The following POU4F2 variants were observed in gnomAD, a reference collection of about 807,000 sequenced individuals.
The protein encoded by POU4F2 is POU domain, class 4, transcription factor 2.
In POU4F2, 10 loss-of-function variants were observed where a neutral mutation model predicts 21.5. The ratio of observed to expected loss-of-function variants is 0.46; its 90% CI spans 0.29 to 0.79. POU4F2 has a LOEUF of 0.79. POU4F2 is among the 30% of genes least tolerant of loss of function. POU4F2 has a pLI of 0.10. For missense variants in POU4F2, 623 were observed against 603.3 expected (o/e 1.03, Z -0.34); for synonymous variants, 324 against 271.1 (o/e 1.20, Z -1.92).
Position 146,639,926 on chromosome 4 carries a change from C to G in POU4F2, c.348C>G (p.Ala116=). The G allele has an allele frequency of 3.8e-6, 6 of 1,593,780 alleles. No homozygotes were observed. Among genetic ancestry groups the G allele is most frequent in the Non-Finnish European group, 5.1e-6 (6 of 1,169,546 alleles). ...SLLARAEALA[A]VDIVSQSKSH... Reference sequence around the variant, plus strand: ...TGGCCCGCGCCGAGGCTCTGGCAGCCGTGGACATCGTCTCCCAGAGCAAGA... The same window carrying G: ...TGGCCCGCGCCGAGGCTCTGGCAGCGGTGGACATCGTCTCCCAGAGCAAGA... Residue 116 remains alanine, a synonymous_variant, in exon 2 of 2, where the codon GCC becomes GCG. Coordinates refer to ENST00000281321, the MANE Select transcript of POU4F2 (RefSeq NM_004575.3).
In POU4F2 at chr4:146,640,595, C is replaced by G; in HGVS notation, c.1017C>G (p.Leu339=). The change falls in exon 2 of 2, where the codon CTC becomes CTG. Residue 339 remains leucine (L), a synonymous_variant. Transcript: ENST00000281321. This position sits in a 1 kb window ranked among gnomAD's most constrained non-coding sequence, Gnocchi z 4.8. ...GCGAGAAGCTCACCAAGCCTGAACT[C>G]TTCAATGGCGCGGAGAAGAAGCGCA... ...SHREKLTKPE[L]FNGAEKKRKR... is the part of the protein sequence containing the mutation. 1 of 1,614,166 alleles carries G rather than the reference C, an allele frequency of 6.2e-7. No individual in the cohort carries two copies. Among genetic ancestry groups the G allele is most frequent in the Non-Finnish European group, 8.5e-7 (1 of 1,179,988 alleles).
rs1740905417 is a variant in POU4F2, at chr4:146,642,461, A to G, written c.*1653A>G. 1 of 152,204 alleles carries G rather than the reference A, an allele frequency of 6.6e-6. No homozygotes were observed. The highest frequency in any genetic ancestry group is 6.5e-5 in the Admixed American group (1 of 15,282). The allele number at this position is 152,204 out of a possible 1,614,324, so 9.4% of individuals were successfully genotyped here. On this transcript the variant is annotated 3_prime_UTR_variant, in exon 2 of 2. Coordinates refer to ENST00000281321, the MANE Select transcript of POU4F2 (RefSeq NM_004575.3). ...TCATTAAAATATGCTATTAAAATTA[A>G]ATGGCTTTTAAAATGTGATGTTGTT...
In POU4F2 at chr4:146,640,739, C is replaced by G. The variant is rs138240408; in HGVS notation, c.1161C>G (p.Asn387Lys). ...AIAEKLDLKK[N>K]VVRVWFCNQR... is the part of the protein sequence containing the mutation. ...CGGAGAAGCTGGACCTGAAGAAAAA[C>G]GTGGTGCGCGTCTGGTTCTGCAACC... is the stretch of plus-strand genomic sequence containing the variant. Residue 387 changes from asparagine (N) to lysine (K), a missense_variant, in exon 2 of 2, where the codon AAC becomes AAG. By Grantham distance (94) the Asn-to-Lys change is moderately conservative. Around this residue, in one of 3 missense-constraint regions of POU4F2, gnomAD observed 523 missense variants for 504.1 expected, o/e 1.04. Transcript: ENST00000281321. The surrounding 1 kb of genome is among the most constrained non-coding windows in gnomAD (Gnocchi z 4.8). 1 of 1,613,920 alleles carries G rather than the reference C, an allele frequency of 6.2e-7. No individual in the cohort carries two copies. The highest frequency in any genetic ancestry group is 1.7e-5 in the Admixed American group (1 of 59,912).
chr4:146,639,392 G>A lies in POU4F2; in HGVS notation c.252G>A (p.Ser84=). The part of the protein sequence containing the change: ...SSSGSSGGGG[S]EAMRRACLPT... ...GTGGCAGCAGCGGCGGCGGGGGCTC[G>A]GAGGCTATGCGGAGAGCCTGTCTTC... is the stretch of plus-strand genomic sequence containing the variant. Residue 84 remains serine (S), a synonymous_variant, in exon 1 of 2, where the codon TCG becomes TCA. Coordinates refer to ENST00000281321, the MANE Select transcript of POU4F2 (RefSeq NM_004575.3). 1 of 1,470,280 alleles carries A rather than the reference G, an allele frequency of 6.8e-7. No homozygotes were observed. Among genetic ancestry groups the A allele is most frequent in the Non-Finnish European group, 8.9e-7 (1 of 1,119,258 alleles). The allele number at this position is 1,470,280 out of a possible 1,614,324, so 91.1% of individuals were successfully genotyped here. A position where few individuals can be genotyped will look rare whatever the true frequency, so the allele number is the denominator to read the frequency against.
In POU4F2 at chr4:146,640,535, G is replaced by A; in HGVS notation, c.957G>A (p.Leu319=). 3 of 1,614,062 alleles carry A rather than the reference G, an allele frequency of 1.9e-6. No individual in the cohort carries two copies. The highest frequency in any genetic ancestry group is 2.5e-6 in the Non-Finnish European group (3 of 1,179,942). Residue 319 remains leucine, a synonymous_variant, in exon 2 of 2, where the codon CTG becomes CTA. Transcript: ENST00000281321. This position sits in a 1 kb window ranked among gnomAD's most constrained non-coding sequence, Gnocchi z 4.8. Reference sequence around the variant, plus strand: ...ATATGATCGCGCTCAAACCCATCCTGCAGGCATGGCTCGAGGAGGCCGAGA... The same window carrying A: ...ATATGATCGCGCTCAAACCCATCCTACAGGCATGGCTCGAGGAGGCCGAGA... The part of the protein sequence containing the change: ...HNNMIALKPI[L]QAWLEEAEKS...
At chr4:146,639,804 T>TC in intron 1 of POU4F2, 63 bp from the exon 2 acceptor site, 1 of 1,477,152 alleles carries the variant, frequency 6.8e-7, no homozygotes, top group Non-Finnish European at 9.0e-7. Flanking sequence ...GGCCGGGGCT[T>TC]CCGGAGAGAG....
rs1740885396 is a variant in POU4F2, at chr4:146,641,391, TGAAG to T, written c.*584_*587del. 1 of 152,656 alleles carries T rather than the reference TGAAG, an allele frequency of 6.6e-6. No individual in the cohort carries two copies. The allele number at this position is 152,656 out of a possible 1,614,324, so 9.5% of individuals were successfully genotyped here. On this transcript the variant is annotated 3_prime_UTR_variant, in exon 2 of 2. Transcript: ENST00000281321. The stretch of plus-strand genomic sequence containing the variant: ...TGGTTCTTACCCCCTTTTCCTTCTC[TGAAG>T]TGTTAATGCTTAAGAAAAGAGTTGC...
In POU4F2 at chr4:146,639,869, C is replaced by A. The variant is rs1740839033; in HGVS notation, c.291C>A (p.Ser97Arg). The A allele has an allele frequency of 6.5e-7, 1 of 1,539,108 alleles. No individual in the cohort carries two copies. The highest frequency in any genetic ancestry group is 8.8e-7 in the Non-Finnish European group (1 of 1,141,864). ...MRRACLPTPPSNIFGGLDESL... is the reference protein window; with the variant it reads ...MRRACLPTPPRNIFGGLDESL... ...GTGCCTTCTACTTACAATTGCAGAG[C>A]AATATATTCGGCGGGCTGGATGAGA... Residue 97 changes from serine to arginine, a missense_variant and splice_region_variant, in exon 2 of 2, where the codon AGC becomes AGA. Around this residue, in one of 3 missense-constraint regions of POU4F2, gnomAD observed 523 missense variants for 504.1 expected, o/e 1.04. Transcript: ENST00000281321.
Position 146,640,376 on chromosome 4 carries a change from G to A in POU4F2, c.798G>A (p.Lys266=). ...TGGAGGCATTCGCCGAGCGCTTCAA[G>A]CAGCGACGCATCAAGCTGGGGGTGA... is the stretch of plus-strand genomic sequence containing the variant. ...RDLEAFAERF[K]QRRIKLGVTQ... The change falls in exon 2 of 2, where the codon AAG becomes AAA. Residue 266 remains lysine (K), a synonymous_variant. Coordinates refer to ENST00000281321, the MANE Select transcript of POU4F2 (RefSeq NM_004575.3). The surrounding 1 kb of genome is among the most constrained non-coding windows in gnomAD (Gnocchi z 4.8). The A allele has an allele frequency of 6.2e-7, 1 of 1,603,142 alleles. No homozygotes were observed. The highest frequency in any genetic ancestry group is 8.5e-7 in the Non-Finnish European group (1 of 1,176,804).
rs373360428 is a variant in POU4F2 at position 146,640,321 on chromosome 4, T to G, written c.743T>G (p.Met248Arg). ...GGGCTGCCGTCGCACATGGGCTGCA[T>G]GAGCGACGTGGACGCCGACCCGCGG... ...AHGLPSHMGC[M>R]SDVDADPRDL... Residue 248 changes from methionine (M) to arginine (R), a missense_variant, in exon 2 of 2, where the codon ATG (methionine) becomes AGG (arginine). Physicochemically the swap from Met to Arg is moderately conservative, Grantham distance 91 (BLOSUM62 -1). Coordinates refer to ENST00000281321, the MANE Select transcript of POU4F2 (RefSeq NM_004575.3). This position sits in a 1 kb window ranked among gnomAD's most constrained non-coding sequence, Gnocchi z 4.8. 4 of 1,574,970 alleles carry G rather than the reference T, an allele frequency of 2.5e-6. No homozygotes were observed. Among genetic ancestry groups the G allele is most frequent in the African/African-American group, 2.7e-5 (2 of 74,464 alleles).
rs1349808036 is a variant in POU4F2 at position 146,641,290 on chromosome 4, TA to T, written c.*485del. The T allele has an allele frequency of 1.3e-5, 2 of 153,056 alleles. No individual in the cohort carries two copies. The highest frequency in any genetic ancestry group is 2.9e-5 in the Non-Finnish European group (2 of 68,364). 9.5% of individuals were successfully genotyped at this position (153,056 alleles called of 1,614,324 possible). On this transcript the variant is annotated 3_prime_UTR_variant, in exon 2 of 2. Transcript: ENST00000281321. ...ATGCTTAATGTGATAGAGACATCTC[TA>T]AAGTATTTTGAATTTTAAAAAAAGA...
Position 146,642,338 on chromosome 4 carries a change from T to A in POU4F2, c.*1530T>A, listed in dbSNP as rs1740903004. ...CTTGTTTTTATTAATAGATGGTTTA[T>A]TTACTATGGTAATGTATTAATTTAT... On this transcript the variant is annotated 3_prime_UTR_variant, in exon 2 of 2. Transcript: ENST00000281321. 2 of 152,254 alleles carry A rather than the reference T, an allele frequency of 1.3e-5. No homozygotes were observed. 9.4% of individuals were successfully genotyped at this position (152,254 alleles called of 1,614,324 possible). A position where few individuals can be genotyped will look rare whatever the true frequency, so the allele number is the denominator to read the frequency against.
Position 146,642,059 on chromosome 4 carries a change from T to C in POU4F2, c.*1251T>C, listed in dbSNP as rs1740897539. ...GTTAATATTTATAGGAATACTTCAGTTTTTCCTTTTGGAGGTTTGTTTGTA... is the reference window on the plus strand; with the variant it reads ...GTTAATATTTATAGGAATACTTCAGCTTTTCCTTTTGGAGGTTTGTTTGTA... On this transcript the variant is annotated 3_prime_UTR_variant, in exon 2 of 2. Transcript: ENST00000281321. The C allele has an allele frequency of 6.6e-6, 1 of 152,654 alleles. No individual in the cohort carries two copies. The allele number at this position is 152,654 out of a possible 1,614,324, so 9.5% of individuals were successfully genotyped here. A position where few individuals can be genotyped will look rare whatever the true frequency, so the allele number is the denominator to read the frequency against.
At chr4:146,639,665 T>C (rs756008144) in intron 1 of POU4F2, among the ~76,000 whole-genome samples, 3 of 152,056 alleles carry the variant, frequency 2.0e-5, no homozygotes, top group Non-Finnish European at 4.4e-5. Context: ...ACTTTCCTCC[T>C]CCTCCTGCAC....
Position 146,639,842 on chromosome 4 carries a change from G to A in POU4F2, c.289-25G>A, listed in dbSNP as rs766205879. On this transcript the variant is annotated intron_variant, in intron 1 of 1. Transcript: ENST00000281321. ...CGTACAATTCCCTGCTGAGCGTAAT[G>A]TGTGCCTTCTACTTACAATTGCAGA... 17 of 1,517,426 alleles carry A rather than the reference G, an allele frequency of 1.1e-5. 1 individual carries two copies. In the Middle Eastern group the frequency reaches 2.3e-3, roughly 206 times the overall value. The allele number at this position is 1,517,426 out of a possible 1,614,324, so 94.0% of individuals were successfully genotyped here. A position where few individuals can be genotyped will look rare whatever the true frequency, so the allele number is the denominator to read the frequency against.
At position 146,640,935 on chromosome 4, in the gene POU4F2, C is replaced by A; in HGVS notation, c.*127C>A. On this transcript the variant is annotated 3_prime_UTR_variant, in exon 2 of 2. Transcript: ENST00000281321. This position sits in a 1 kb window ranked among gnomAD's most constrained non-coding sequence, Gnocchi z 4.8. Reference sequence around the variant, plus strand: ...AATGTGAATCTCGACAAATCGAGGACTGAAGAGGGAGCGAACGAGCGAACA... The same window carrying A: ...AATGTGAATCTCGACAAATCGAGGAATGAAGAGGGAGCGAACGAGCGAACA... The A allele has an allele frequency of 9.4e-7, 1 of 1,061,180 alleles. No individual in the cohort carries two copies. The highest frequency in any genetic ancestry group is 1.3e-6 in the Non-Finnish European group (1 of 764,702). The allele number at this position is 1,061,180 out of a possible 1,614,324, so 65.7% of individuals were successfully genotyped here.
rs1266650540 is a variant in POU4F2 at position 146,640,859 on chromosome 4, C to T, written c.*51C>T. ...CCCCTTTCCTCGTCCGCTCTTTTCTCTCCTCTCTTCTGCCTCTTTTCACTT... is the reference window on the plus strand; with the variant it reads ...CCCCTTTCCTCGTCCGCTCTTTTCTTTCCTCTCTTCTGCCTCTTTTCACTT... On this transcript the variant is annotated 3_prime_UTR_variant, in exon 2 of 2. Transcript: ENST00000281321. The surrounding 1 kb of genome is among the most constrained non-coding windows in gnomAD (Gnocchi z 4.8). The T allele has an allele frequency of 4.7e-6, 7 of 1,494,280 alleles. No individual in the cohort carries two copies. Among genetic ancestry groups the T allele is most frequent in the East Asian group, 2.3e-5 (1 of 43,572 alleles). 92.6% of individuals were successfully genotyped at this position (1,494,280 alleles called of 1,614,324 possible). A position where few individuals can be genotyped will look rare whatever the true frequency, so the allele number is the denominator to read the frequency against.
rs189899086 is a variant in POU4F2 at position 146,639,308 on chromosome 4, C to T, written c.168C>T (p.Gly56=). ...GCAGCTCGAGCAACGCTGGTGGTGG[C>T]GGCGGCGGCGGCGGCGGCGGCGGCG... ...SPSSSSNAGG[G]GGGGGGGGGG... is the part of the protein sequence containing the mutation. Residue 56 remains glycine, a synonymous_variant, in exon 1 of 2, where the codon GGC becomes GGT. Transcript: ENST00000281321. 169 of 986,990 alleles carry T rather than the reference C, an allele frequency of 1.7e-4. No homozygotes were observed. Among genetic ancestry groups the T allele is most frequent in the East Asian group, 9.5e-4 (22 of 23,166 alleles). The allele number at this position is 986,990 out of a possible 1,614,324, so 61.1% of individuals were successfully genotyped here.
Position 146,639,332 on chromosome 4 carries a change from C to CGGCGGCGGCGGA in POU4F2, c.200_201insCGGAGGCGGCGG (p.Gly65_Gly68dup), listed in dbSNP as rs765040992. On this transcript the variant is annotated inframe_insertion, in exon 1 of 2. Transcript: ENST00000281321. ...GCGGCGGCGGCGGCGGCGGCGGCGGCGGCGGCGGAGGCCGAAGCAGCAGCT... is the reference window on the plus strand; with the variant it reads ...GCGGCGGCGGCGGCGGCGGCGGCGGCGGCGGCGGCGGAGGCGGCGGAGGCCGAAGCAGCAGCT... 3.2e-4 allele frequency: 433 copies of CGGCGGCGGCGGA among 1,349,472 alleles called. 1 individual carries two copies. The East Asian group carries it at 9.6e-3, about 30-fold the overall frequency. 83.6% of individuals were successfully genotyped at this position (1,349,472 alleles called of 1,614,324 possible).
Sources: allele counts gnomAD v4.1 joint callset (sites outside exome capture counted in the v4.1 genomes callset), GRCh38; gene constraint gnomAD v4.1.1; regional missense constraint gnomAD v4.1.1; non-coding constraint Gnocchi (gnomAD v3.1); transcripts MANE v1.5; gene names NCBI Gene and HGNC (gene_info 2026-07-23, HGNC 2026-07-21).